NRP2: variants seen among roughly 807,000 people sequenced by gnomAD.
NRP2 encodes the protein neuropilin-2.
In NRP2, 52 loss-of-function variants were observed where a neutral mutation model predicts 110.4. That is an observed-to-expected ratio of 0.47 (90% CI 0.38 to 0.59). NRP2 has a LOEUF of 0.59. NRP2 is among the 20% of genes least tolerant of loss of function. NRP2 has a pLI of 0.00. For missense variants in NRP2, 1,049 were observed against 1,203.0 expected, an observed-to-expected ratio of 0.87 and a Z score of 1.89; for synonymous variants, 508 against 468.9, an observed-to-expected ratio of 1.08 and a Z score of -1.08.
At chr2:205,709,658 G>A (rs1036187481) in intron 2 of NRP2, among the ~76,000 whole-genome samples, 6 of 152,156 alleles carry the variant, frequency 3.9e-5, no homozygotes, top group African/African-American at 9.7e-5. Context: ...GTAATTTAAC[G>A]TTTCTTTTGT....
chr2:205,763,599 G>A lies in NRP2; in HGVS notation c.2045-75G>A. Reference sequence around the variant, plus strand: ...GAAACTCAGTCCCAACTTTCCCTTGGAGAGGCCACAGCAGCACACTGGTGT... The same window carrying A: ...GAAACTCAGTCCCAACTTTCCCTTGAAGAGGCCACAGCAGCACACTGGTGT... On this transcript the variant is annotated intron_variant, in intron 12 of 16. Transcript: ENST00000357785. This position sits in a 1 kb window ranked among gnomAD's most constrained non-coding sequence, Gnocchi z 4.0. 1.3e-6 allele frequency: 2 copies of A among 1,598,512 alleles called. No individual in the cohort carries two copies. Among genetic ancestry groups the A allele is most frequent in the Non-Finnish European group, 1.7e-6 (2 of 1,167,320 alleles).
intron 15 of NRP2, chr2:205,777,233 G>A: frequency 1.2e-6 from 1 of 820,050 alleles, no homozygotes. Context: ...GGGATGCAGT[G>A]TGGCTTCTCC....
At chr2:205,790,197 T>G (rs917923781) in intron 15 of NRP2, among the ~76,000 whole-genome samples, 5 of 152,228 alleles carry the variant, frequency 3.3e-5, no homozygotes, top group African/African-American at 9.6e-5. Context: ...GCAATTGATT[T>G]CATTGAGTCT....
At chr2:205,736,605 A>G (rs1047308049) in intron 7 of NRP2, among the ~76,000 whole-genome samples, 1 of 152,166 alleles carries the variant, frequency 6.6e-6, no homozygotes, top group African/African-American at 2.4e-5. Flanking sequence ...ACACGCTAAC[A>G]TTTGTCCTGG....
At chr2:205,708,752 A>C (rs2056738607) in intron 2 of NRP2, among the ~76,000 whole-genome samples, 1 of 152,214 alleles carries the variant, frequency 6.6e-6, no homozygotes, top group Non-Finnish European at 1.5e-5. Flanking sequence ...GTGGGTGGTC[A>C]GACTTCCTCC....
At chr2:205,792,558 T>A (rs1319693492) in intron 16 of NRP2, among the ~76,000 whole-genome samples, 2 of 152,228 alleles carry the variant, frequency 1.3e-5, no homozygotes, top group Non-Finnish European at 2.9e-5. Flanking sequence ...TGAATCTGAA[T>A]AAACCCTTTA....
intron 2 of NRP2, chr2:205,697,969 A>G: frequency 1.9e-6 from 1 of 532,512 alleles, no homozygotes; most frequent in Non-Finnish European, 3.4e-6. Flanking sequence ...CTACCTCCAA[A>G]GGCCGGTAGT....
chr2:205,691,813 T>C lies in NRP2; in HGVS notation c.74-5731T>C, dbSNP rs574828223. 1.7e-4 allele frequency among the ~76,000 whole-genome samples: 26 copies of C among 152,340 alleles called. No homozygotes were observed. The South Asian group carries it at 5.2e-3, about 30-fold the overall frequency. On this transcript the variant is annotated intron_variant, in intron 1 of 16. Transcript: ENST00000357785. ...ACTAATGACATTATATCGGCTGCCCTATTGGAATTGCATTTGTTTATGATA... is the reference window on the plus strand; with the variant it reads ...ACTAATGACATTATATCGGCTGCCCCATTGGAATTGCATTTGTTTATGATA...
At chr2:205,762,142 G>C (rs1362479721) in intron 12 of NRP2, 2 of 152,224 alleles carry the variant, frequency 1.3e-5, no homozygotes, top group Non-Finnish European at 2.9e-5. Context: ...GTCACACCTT[G>C]TAGGGTATGT....
intron 15 of NRP2, among the ~76,000 whole-genome samples, chr2:205,781,347 A>G (rs1454200307): frequency 6.6e-6 from 1 of 152,240 alleles, no homozygotes; most frequent in East Asian, 1.9e-4. Context: ...TTTTGTTTCC[A>G]TGGATCATAA....
In NRP2 at chr2:205,763,087, C is replaced by G. The variant is rs545963479; in HGVS notation, c.2045-587C>G. 1.4e-3 allele frequency among the ~76,000 whole-genome samples: 212 copies of G among 152,254 alleles called. 2 individuals are homozygous for G. Among genetic ancestry groups the G allele is most frequent in the African/African-American group, 4.9e-3 (202 of 41,524 alleles). ...TCTGTTTGAAGGTGACACTGGGCTT[C>G]TGAGTCACAGTCACTAGAGCCCAAG... On this transcript the variant is annotated intron_variant, in intron 12 of 16. Transcript: ENST00000357785. The surrounding 1 kb of genome is among the most constrained non-coding windows in gnomAD (Gnocchi z 4.0).
At chr2:205,753,610 G>A (rs1295422997) in intron 12 of NRP2, among the ~76,000 whole-genome samples, 1 of 152,206 alleles carries the variant, frequency 6.6e-6, no homozygotes, top group Non-Finnish European at 1.5e-5. Flanking sequence ...TGACAAGAAG[G>A]GGTTGCCTCT....
chr2:205,708,671 C>CT (rs200544144), intron 2 of NRP2, among the ~76,000 whole-genome samples: 1 of 102,998 alleles, frequency 9.7e-6, no homozygotes, highest in Admixed American at 1.1e-4. Context: ...TTTCCATTTT[C>CT]TTGCCTTCAA....
intron 2 of NRP2, among the ~76,000 whole-genome samples, chr2:205,708,593 G>A (rs1228238840): frequency 1.3e-5 from 2 of 152,196 alleles, no homozygotes; most frequent in Admixed American, 6.5e-5. Context: ...GATTGGCGGG[G>A]CCCTCACCAT....
At chr2:205,688,270 G>A (rs929249686) in intron 1 of NRP2, among the ~76,000 whole-genome samples, 2 of 152,194 alleles carry the variant, frequency 1.3e-5, no homozygotes, top group African/African-American at 4.8e-5. Context: ...CTTGCAACTG[G>A]ATAATCTTTG....
chr2:205,770,459 A>G (rs1403888872), intron 15 of NRP2, among the ~76,000 whole-genome samples: 1 of 132,384 alleles, frequency 7.6e-6, no homozygotes, highest in Non-Finnish European at 1.6e-5. Flanking sequence ...TTTGGTGCCA[A>G]CTGGCCAATC....
At chr2:205,692,890 C>A (rs933922775) in intron 1 of NRP2, among the ~76,000 whole-genome samples, 12 of 152,314 alleles carry the variant, frequency 7.9e-5, no homozygotes, top group African/African-American at 1.9e-4. Context: ...TTTAGAATCA[C>A]CCCTCTCATT....
intron 1 of NRP2, among the ~76,000 whole-genome samples, chr2:205,687,086 G>A (rs1051133583): frequency 6.6e-6 from 1 of 152,064 alleles, no homozygotes; most frequent in African/African-American, 2.4e-5. Flanking sequence ...TCCCCTCCTC[G>A]TCTGGAGAGC....
chr2:205,719,613 TGC>T (rs977721573), intron 3 of NRP2, among the ~76,000 whole-genome samples: 5 of 152,304 alleles, frequency 3.3e-5, no homozygotes, highest in African/African-American at 1.2e-4. Context: ...CTTTCCTGTT[TGC>T]CTGTGACACT....
Sources: gnomAD v4.1 joint callset for allele counts (sites outside exome capture counted in the v4.1 genomes callset) on GRCh38, gnomAD v4.1.1 for gene constraint, Gnocchi (gnomAD v3.1) non-coding constraint, MANE v1.5 for transcripts, NCBI Gene and HGNC (gene_info 2026-07-23, HGNC 2026-07-21) for gene names.